PCDHA10: variants seen among roughly 807,000 people sequenced by gnomAD.
PCDHA10 encodes the protein protocadherin alpha-10.
PCDHA10 carries 45 observed loss-of-function variants against 61.2 expected under a neutral mutation model. That is an observed-to-expected ratio of 0.74 (90% CI 0.58 to 0.94). PCDHA10 has a LOEUF of 0.94. Ranked by LOEUF, PCDHA10 falls within the 40% of genes least tolerant of loss-of-function variation. The probability of loss-of-function intolerance (pLI) is 0.00; values close to 1 mark genes in which losing one functional copy is unlikely to be tolerated. For missense variants in PCDHA10, 1,278 were observed against 1,236.2 expected, an observed-to-expected ratio of 1.03 and a Z score of -0.51; for synonymous variants, 602 against 548.8, an observed-to-expected ratio of 1.10 and a Z score of -1.35.
chr5:140,885,592 G>A (rs1428219345), intron 1 of PCDHA10, among the ~76,000 whole-genome samples: 1 of 152,102 alleles, frequency 6.6e-6, no homozygotes, highest in Non-Finnish European at 1.5e-5. Context: ...ATGCATCAAA[G>A]ATATTAATAA....
intron 1 of PCDHA10, among the ~76,000 whole-genome samples, chr5:140,872,108 A>G (rs980071264): frequency 1.3e-5 from 2 of 152,072 alleles, no homozygotes; most frequent in African/African-American, 4.8e-5. Context: ...TGGCTTTCCT[A>G]ACTTCAGGCT....
chr5:140,962,237 C>G (rs982591816), intron 1 of PCDHA10, among the ~76,000 whole-genome samples: 5 of 152,108 alleles, frequency 3.3e-5, no homozygotes, highest in Non-Finnish European at 5.9e-5. Context: ...TTCACTTAAC[C>G]ATTTTCTTCA....
intron 1 of PCDHA10, chr5:140,877,083 G>T: frequency 6.2e-7 from 1 of 1,613,166 alleles, no homozygotes; most frequent in Non-Finnish European, 8.5e-7. Context: ...AGGTGAGCGC[G>T]CGCGACGCCG....
rs1007708043 is a variant in PCDHA10 at position 140,967,271 on chromosome 5, A to G, written c.2389-11678A>G. 3.1e-6 allele frequency: 5 copies of G among 1,613,338 alleles called. No individual in the cohort carries two copies. The South Asian group carries it at 5.5e-5, about 18-fold the overall frequency. On this transcript the variant is annotated intron_variant, in intron 1 of 3. Transcript: ENST00000307360. The stretch of plus-strand genomic sequence containing the variant: ...GGTGGCGCCTGGAGCGCGCTTTCAC[A>G]TAGAGAGTGCGCAGGACCCCGACGT...
chr5:140,940,844 T>C (rs942965203), intron 1 of PCDHA10, among the ~76,000 whole-genome samples: 1 of 152,228 alleles, frequency 6.6e-6, no homozygotes. Flanking sequence ...TTCTTCACGA[T>C]AGATTTTTAT....
At chr5:140,944,928 C>A (rs1554216614) in intron 1 of PCDHA10, among the ~76,000 whole-genome samples, 1 of 152,074 alleles carries the variant, frequency 6.6e-6, no homozygotes, top group Non-Finnish European at 1.5e-5. Flanking sequence ...TTGGTTTATG[C>A]CTTCTTTAGA....
intron 1 of PCDHA10, among the ~76,000 whole-genome samples, chr5:140,944,988 G>A (rs1554216650): frequency 6.6e-6 from 1 of 152,048 alleles, no homozygotes; most frequent in Non-Finnish European, 1.5e-5. Flanking sequence ...GTCTACTTCT[G>A]TAACGGTTGT....
intron 1 of PCDHA10, chr5:140,968,823 A>T (rs569036779): frequency 1.2e-6 from 2 of 1,614,192 alleles, no homozygotes; most frequent in Non-Finnish European, 8.5e-7. Context: ...AGGGTTTCCA[A>T]AATCCTCCCT....
chr5:140,863,653 T>C (rs2048107718), intron 1 of PCDHA10: 1 of 297,060 alleles, frequency 3.4e-6, no homozygotes, highest in Admixed American at 4.5e-5. Flanking sequence ...ATTAATTTGA[T>C]TGCTTTATTT....
Position 140,877,206 on chromosome 5 carries a change from C to A in PCDHA10, c.2388+18770C>A, listed in dbSNP as rs782807049. 10 of 1,613,650 alleles carry A rather than the reference C, an allele frequency of 6.2e-6. No homozygotes were observed. The highest frequency in any genetic ancestry group is 8.5e-6 in the Non-Finnish European group (10 of 1,179,798). On this transcript the variant is annotated intron_variant, in intron 1 of 3. Transcript: ENST00000307360. ...CTGGCAGCGCAGGAGGCGCAGTTAG[C>A]GAGTTGGTACCGCGGTCGGTGGGTG...
At chr5:140,959,751 T>C (rs553950058) in intron 1 of PCDHA10, among the ~76,000 whole-genome samples, 12 of 152,210 alleles carry the variant, frequency 7.9e-5, no homozygotes, top group Non-Finnish European at 1.8e-4. Flanking sequence ...CCTTAAAGTA[T>C]ATTTTAATAT....
intron 3 of PCDHA10, among the ~76,000 whole-genome samples, chr5:140,984,358 A>G (rs1443365008): frequency 1.3e-5 from 2 of 152,234 alleles, no homozygotes; most frequent in Admixed American, 1.3e-4. Flanking sequence ...TATTTCATAC[A>G]TCTGGCCAAG....
intron 1 of PCDHA10, chr5:140,968,861 C>T (rs139036960): frequency 5.6e-5 from 90 of 1,614,182 alleles, no homozygotes; most frequent in Admixed American, 2.8e-4. Flanking sequence ...TAAGAGCCCT[C>T]GGACATACTC....
At chr5:140,918,331 G>A (rs1429617568) in intron 1 of PCDHA10, among the ~76,000 whole-genome samples, 1 of 152,114 alleles carries the variant, frequency 6.6e-6, no homozygotes, top group Non-Finnish European at 1.5e-5. Context: ...TATATTGTCT[G>A]CTAAGAGAGA....
At chr5:140,977,448 CTCCTT>C (rs1554238572) in intron 1 of PCDHA10, among the ~76,000 whole-genome samples, 2 of 152,212 alleles carry the variant, frequency 1.3e-5, no homozygotes, top group Non-Finnish European at 2.9e-5. Context: ...ATAATGGAAA[CTCCTT>C]TGATTTGGTC....
chr5:140,869,205 C>T (rs782278064), intron 1 of PCDHA10: 1 of 1,613,994 alleles, frequency 6.2e-7, no homozygotes, highest in Non-Finnish European at 8.5e-7. Flanking sequence ...TCCACTACTC[C>T]GTCTCGGAGG....
Position 140,882,692 on chromosome 5 carries a change from AT to A in PCDHA10, c.2388+24258del, listed in dbSNP as rs782355155. On this transcript the variant is annotated intron_variant, in intron 1 of 3. Coordinates refer to ENST00000307360, the MANE Select transcript of PCDHA10 (RefSeq NM_018901.4). The stretch of plus-strand genomic sequence containing the variant: ...CCCTGAAAGCAAGAAACGAATAATC[AT>A]TGCAGAATCTAGACCTCCGGAAACT... The A allele has an allele frequency of 2.1e-5, 34 of 1,614,204 alleles. No individual in the cohort carries two copies. In the South Asian group the frequency reaches 3.5e-4, roughly 17 times the overall value.
Position 140,919,359 on chromosome 5 carries a change from G to A in PCDHA10, c.2389-59590G>A, listed in dbSNP as rs188480486. Among the ~76,000 whole-genome samples, 421 of 152,262 alleles carry A rather than the reference G, an allele frequency of 2.8e-3. 2 individuals carry two copies. The highest frequency in any genetic ancestry group is 0.014 in the Middle Eastern group (4 of 294). ...TGTTTGTATCTTTGAATCTAAAAGTGTCTCCTGCAGACAACACATAGTTGG... is the reference window on the plus strand; with the variant it reads ...TGTTTGTATCTTTGAATCTAAAAGTATCTCCTGCAGACAACACATAGTTGG... On this transcript the variant is annotated intron_variant, in intron 1 of 3. Coordinates refer to ENST00000307360, the MANE Select transcript of PCDHA10 (RefSeq NM_018901.4).
chr5:140,910,958 C>G (rs571427431), intron 1 of PCDHA10, among the ~76,000 whole-genome samples: 2 of 152,220 alleles, frequency 1.3e-5, no homozygotes, highest in East Asian at 3.9e-4. Context: ...TCGAGTGTAG[C>G]ACACCTCCTC....
Sources: gnomAD v4.1 joint callset for allele counts (sites outside exome capture counted in the v4.1 genomes callset) on GRCh38, gnomAD v4.1.1 for gene constraint, MANE v1.5 for transcripts, NCBI Gene and HGNC (gene_info 2026-07-23, HGNC 2026-07-21) for gene names.